SERINC4: variants seen among roughly 807,000 people sequenced by gnomAD.
SERINC4 encodes serine incorporator 4.
SERINC4 carries 52 observed loss-of-function variants against 52.0 expected under a neutral mutation model. That is an observed-to-expected ratio of 1.00 (90% CI 0.80 to 1.26). SERINC4 has a LOEUF of 1.26. SERINC4 is among the 50% of genes most tolerant of loss of function. The pLI, the probability that SERINC4 is intolerant of heterozygous loss-of-function variation, is 0.00. For missense variants in SERINC4, 723 were observed against 632.8 expected (o/e 1.14, Z -1.53); for synonymous variants, 264 against 247.7 (o/e 1.07, Z -0.62).
chr15:43,796,103 T>C (rs1305452992), intron 9 of SERINC4, 52 bp downstream of exon 9: 1 of 1,314,822 alleles, frequency 7.6e-7, no homozygotes, highest in Non-Finnish European at 1.1e-6. Flanking sequence ...TGTGTGTGTG[T>C]CTTTGTGTGG....
chr15:43,794,197 A>C lies in SERINC4; in HGVS notation c.*803T>G. ...ATCACAGAAGAAGCCTTTATTATAC[A>C]ATGACAACCAAACAAGTACTCCGGA... On this transcript the variant is annotated 3_prime_UTR_variant, in exon 12 of 12. Transcript: ENST00000319327. The C allele has an allele frequency of 1.9e-6, 1 of 517,680 alleles. No homozygotes were observed. The allele number at this position is 517,680 out of a possible 1,614,324, so 32.1% of individuals were successfully genotyped here.
rs766577601 is a variant in SERINC4 at position 43,797,947 on chromosome 15, G to C, written c.605C>G (p.Ala202Gly). The part of the protein sequence containing the change: ...FILLQLVLIT[A>G]FAHSWNKNWQ... ...GTTCTTGTTCCAGGAATGGGCAAAA[G>C]CTGTAATAAGCACCAACTGCAGTAG... Residue 202 changes from alanine to glycine, a missense_variant, in exon 5 of 12, where the codon GCT (alanine) becomes GGT (glycine). Coordinates refer to ENST00000319327, the MANE Select transcript of SERINC4 (RefSeq NM_001258031.2). The C allele has an allele frequency of 1.9e-6, 3 of 1,613,700 alleles. No individual in the cohort carries two copies. The Admixed American group carries it at 5.0e-5, about 27-fold the overall frequency.
At chr15:43,798,717 G>A (rs1013430275) in intron 3 of SERINC4, 11 of 624,380 alleles carry the variant, frequency 1.8e-5, no homozygotes, top group African/African-American at 1.7e-4. Flanking sequence ...ATAGCATCTG[G>A]GCAATGTTTT....
chr15:43,798,618 A>G, intron 3 of SERINC4, 114 bp from the exon 4 acceptor site: 4 of 779,312 alleles, frequency 5.1e-6, no homozygotes, highest in South Asian at 4.6e-5. Context: ...AGGACAGACG[A>G]GACAACTAAG....
rs557083409 is a variant in SERINC4 at position 43,798,168 on chromosome 15, A to G, written c.539-155T>C. On this transcript the variant is annotated intron_variant, in intron 4 of 11. Transcript: ENST00000319327. ...GGGTTCAAGTGATTCTTCTGCCTCC[A>G]CCTCCTGAGCAGCTGGGATTACAGG... is the stretch of plus-strand genomic sequence containing the variant. The G allele has an allele frequency of 1.7e-5, 11 of 628,706 alleles. No homozygotes were observed. In the African/African-American group the frequency reaches 2.0e-4, roughly 12 times the overall value. The allele number at this position is 628,706 out of a possible 1,614,324, so 38.9% of individuals were successfully genotyped here.
At chr15:43,798,865 A>T in intron 3 of SERINC4, 94 bp downstream of exon 3, 2 of 1,253,052 alleles carry the variant, frequency 1.6e-6, no homozygotes, top group Non-Finnish European at 2.3e-6. Context: ...CTGTCTTTTT[A>T]CAGTGCTATT....
At position 43,794,957 on chromosome 15, in the gene SERINC4, C is replaced by CTA. The variant is rs754998121; in HGVS notation, c.*41_*42dup. ...CTGGACAGCTCCCCTTGAGCCAACT[C>CTA]TAGGAGTACAATGTCAGGGGAACCC... is the stretch of plus-strand genomic sequence containing the variant. On this transcript the variant is annotated 3_prime_UTR_variant, in exon 12 of 12. Transcript: ENST00000319327. The CTA allele has an allele frequency of 5.9e-6, 9 of 1,514,566 alleles. No individual in the cohort carries two copies. In the African/African-American group the frequency reaches 1.2e-4, roughly 21 times the overall value. 93.8% of individuals were successfully genotyped at this position (1,514,566 alleles called of 1,614,324 possible). A position where few individuals can be genotyped will look rare whatever the true frequency, so the allele number is the denominator to read the frequency against.
chr15:43,799,514 G>C (rs907678998), intron 1 of SERINC4, 28 bp from the exon 2 acceptor site: 2 of 1,550,670 alleles, frequency 1.3e-6, no homozygotes, highest in African/African-American at 2.7e-5. Flanking sequence ...GCAAGGCAGC[G>C]AGGTGGAGAC....
At position 43,800,173 on chromosome 15, in the gene SERINC4, A is replaced by T; in HGVS notation, c.-187T>A. On this transcript the variant is annotated 5_prime_UTR_variant, in exon 1 of 12. Coordinates refer to ENST00000319327, the MANE Select transcript of SERINC4 (RefSeq NM_001258031.2). ...GGTAAATGCAAATGCCCTGTGAAGG[A>T]GCTTTGTCCTTAGGGCCTCAACACT... The T allele has an allele frequency of 5.1e-6, 3 of 591,562 alleles. No individual in the cohort carries two copies. Among genetic ancestry groups the T allele is most frequent in the South Asian group, 4.2e-5 (2 of 48,096 alleles). 36.6% of individuals were successfully genotyped at this position (591,562 alleles called of 1,614,324 possible).
chr15:43,800,036 A>G lies in SERINC4; in HGVS notation c.-50T>C. 7.4e-7 allele frequency: 1 copy of G among 1,348,272 alleles called. No homozygotes were observed. The highest frequency in any genetic ancestry group is 1.0e-6 in the Non-Finnish European group (1 of 1,003,892). The allele number at this position is 1,348,272 out of a possible 1,614,324, so 83.5% of individuals were successfully genotyped here. A position where few individuals can be genotyped will look rare whatever the true frequency, so the allele number is the denominator to read the frequency against. ...GTCCACCAGATGGAAGGCAGATGAGAGCAGCAGTTGCTTCTGTCCTCAGCC... is the reference window on the plus strand; with the variant it reads ...GTCCACCAGATGGAAGGCAGATGAGGGCAGCAGTTGCTTCTGTCCTCAGCC... On this transcript the variant is annotated 5_prime_UTR_variant, in exon 1 of 12. Transcript: ENST00000319327.
In SERINC4 at chr15:43,794,996, G is replaced by T; in HGVS notation, c.*4C>A. 1 of 1,604,284 alleles carries T rather than the reference G, an allele frequency of 6.2e-7. No homozygotes were observed. Reference sequence around the variant, plus strand: ...TCAGGGGAACCCCAGTTTGTGAAAAGGACTTAGACTGGAGGATATTTGTTA... The same window carrying T: ...TCAGGGGAACCCCAGTTTGTGAAAATGACTTAGACTGGAGGATATTTGTTA... On this transcript the variant is annotated 3_prime_UTR_variant, in exon 12 of 12. Coordinates refer to ENST00000319327, the MANE Select transcript of SERINC4 (RefSeq NM_001258031.2).
rs2087234836 is a variant in SERINC4 at position 43,797,283 on chromosome 15, C to T, written c.706G>A (p.Ala236Thr). 6.5e-7 allele frequency: 1 copy of T among 1,550,014 alleles called. No homozygotes were observed. Among genetic ancestry groups the T allele is most frequent in the Non-Finnish European group, 8.7e-7 (1 of 1,146,956 alleles). ...LLATLGFYSM[A>T]GVGAVLLFHY... ...AATAGGAGCACAGCTCCCACACCTG[C>T]CATGCTGTAGAATCCTAGGGTGGCC... The change falls in exon 6 of 12, where the codon GCA becomes ACA. Residue 236 changes from alanine (A) to threonine (T), a missense_variant. Physicochemically the swap from Ala to Thr is moderately conservative, Grantham distance 58. Coordinates refer to ENST00000319327, the MANE Select transcript of SERINC4 (RefSeq NM_001258031.2).
Position 43,797,184 on chromosome 15 carries a change from G to C in SERINC4, c.805C>G (p.Leu269Val). 6.4e-7 allele frequency: 1 copy of C among 1,551,144 alleles called. No homozygotes were observed. ...GGAGCGATGGAGAGGAAGGAGATGA[G>C]GCCACAGAAGCAAAGGTGCAGACTG... is the stretch of plus-strand genomic sequence containing the variant. ...LLSLHLCFCG[L>V]ISFLSIAPCI... is the part of the protein sequence containing the mutation. The change falls in exon 6 of 12, where the codon CTC (leucine) becomes GTC (valine). Residue 269 changes from leucine (L) to valine (V), a missense_variant. Leu to Val is a conservative substitution (Grantham distance 32, BLOSUM62 1). Coordinates refer to ENST00000319327, the MANE Select transcript of SERINC4 (RefSeq NM_001258031.2).
rs1208207803 is a variant in SERINC4 at position 43,800,209 on chromosome 15, A to T, written c.-223T>A. The T allele has an allele frequency of 5.1e-6, 3 of 588,424 alleles. No individual in the cohort carries two copies. Among genetic ancestry groups the T allele is most frequent in the Non-Finnish European group, 9.0e-6 (3 of 332,066 alleles). 36.5% of individuals were successfully genotyped at this position (588,424 alleles called of 1,614,324 possible). A position where few individuals can be genotyped will look rare whatever the true frequency, so the allele number is the denominator to read the frequency against. On this transcript the variant is annotated 5_prime_UTR_variant, in exon 1 of 12. Coordinates refer to ENST00000319327, the MANE Select transcript of SERINC4 (RefSeq NM_001258031.2). Reference sequence around the variant, plus strand: ...TAGGGCCTCAACACTGCGGCCACTCAGGCTGTTCTCTCCAGATTAGGGGGC... The same window carrying T: ...TAGGGCCTCAACACTGCGGCCACTCTGGCTGTTCTCTCCAGATTAGGGGGC...
Position 43,799,003 on chromosome 15 carries a change from G to A in SERINC4, c.414C>T (p.Val138=), listed in dbSNP as rs1171743122. ...GCGGGCTGGTGGGGGAGTGGAGGTG[G>A]ACCAGCAACACAGCCTGCAGCAGGT... The part of the protein sequence containing the change: ...TFHLLQAVLL[V]HLHSPTSPRA... Residue 138 remains valine, a synonymous_variant, in exon 3 of 12, where the codon GTC becomes GTT. Coordinates refer to ENST00000319327, the MANE Select transcript of SERINC4 (RefSeq NM_001258031.2). The A allele has an allele frequency of 4.5e-6, 7 of 1,550,348 alleles. No individual in the cohort carries two copies. The highest frequency in any genetic ancestry group is 6.1e-6 in the Non-Finnish European group (7 of 1,146,982).
chr15:43,796,096 G>T, intron 9 of SERINC4, 59 bp downstream of exon 9: 1 of 1,223,454 alleles, frequency 8.2e-7, no homozygotes, highest in Non-Finnish European at 1.2e-6. Context: ...GGTAGGATGT[G>T]TGTGTGTCTT....
chr15:43,795,189 C>A lies in SERINC4; in HGVS notation c.1368G>T (p.Lys456Asn), dbSNP rs754369141. Residue 456 changes from lysine to asparagine, a missense_variant, in exon 12 of 12, where the codon AAG (lysine) becomes AAT (asparagine). Transcript: ENST00000319327. The part of the protein sequence containing the change: ...WFSYEGAELE[K>N]TFIKGSWATF... The stretch of plus-strand genomic sequence containing the variant: ...TGGCCCAGCTACCCTTGATGAAGGT[C>A]TTTTCCAGTTCTGCTCCCTCATAGC... 3.3e-5 allele frequency: 53 copies of A among 1,614,002 alleles called. No homozygotes were observed. Among genetic ancestry groups the A allele is most frequent in the Admixed American group, 5.0e-5 (3 of 60,004 alleles).
chr15:43,796,767 G>A, intron 7 of SERINC4, 25 bp from the exon 8 acceptor site: 1 of 1,614,090 alleles, frequency 6.2e-7, no homozygotes, highest in Admixed American at 1.7e-5. Context: ...CAGAAGAGAT[G>A]GGTATTAACA....
chr15:43,799,572 A>G (rs1165414273), intron 1 of SERINC4, 86 bp from the exon 2 acceptor site: 1 of 1,488,410 alleles, frequency 6.7e-7, no homozygotes, highest in South Asian at 1.2e-5. Flanking sequence ...TTAACCCAGG[A>G]GGTTGAATTC....
Sources: gnomAD v4.1 joint callset for allele counts on GRCh38, gnomAD v4.1.1 for gene constraint, MANE v1.5 for transcripts, NCBI Gene and HGNC (gene_info 2026-07-23, HGNC 2026-07-21) for gene names.